ZNF267: variants seen among roughly 807,000 people sequenced by gnomAD.
ZNF267 encodes zinc finger protein 267.
In ZNF267, 61 loss-of-function variants were observed where a neutral mutation model predicts 71.6. The observed-to-expected ratio is 0.85, with a 90% CI of 0.69 to 1.05. ZNF267 has a LOEUF of 1.05. ZNF267 is among the 50% of genes least tolerant of loss of function. The pLI, the probability that ZNF267 is intolerant of heterozygous loss-of-function variation, is 0.00. For missense variants in ZNF267, 852 were observed against 870.0 expected (o/e 0.98, Z 0.26); for synonymous variants, 288 against 293.2 (o/e 0.98, Z 0.18).
chr16:31,884,688 C>T lies in ZNF267; in HGVS notation c.130+64C>T, dbSNP rs2083911827. The stretch of plus-strand genomic sequence containing the variant: ...AGTTTTATTTTCTTTTCAGAATGTC[C>T]CTTGGGATCTTGTGCTTTGTATGAG... On this transcript the variant is annotated intron_variant, in intron 2 of 3. Transcript: ENST00000300870. 4.6e-6 allele frequency: 7 copies of T among 1,526,258 alleles called. No homozygotes were observed. In the South Asian group the frequency reaches 7.5e-5, roughly 16 times the overall value. The allele number at this position is 1,526,258 out of a possible 1,614,324, so 94.5% of individuals were successfully genotyped here. A position where few individuals can be genotyped will look rare whatever the true frequency, so the allele number is the denominator to read the frequency against.
chr16:31,911,602 T>G (rs1435428473), intron 3 of ZNF267, among the ~76,000 whole-genome samples: 1 of 151,566 alleles, frequency 6.6e-6, no homozygotes, highest in Non-Finnish European at 1.5e-5. Flanking sequence ...TGGGTCTTCC[T>G]TTTTCTTTTT....
chr16:31,905,100 G>A (rs1296549915), intron 3 of ZNF267, among the ~76,000 whole-genome samples: 1 of 152,154 alleles, frequency 6.6e-6, no homozygotes, highest in Non-Finnish European at 1.5e-5. Flanking sequence ...CTTTAAGAAT[G>A]TTGAATATTG....
intron 3 of ZNF267, among the ~76,000 whole-genome samples, chr16:31,888,879 G>A (rs1345910364): frequency 6.6e-6 from 1 of 151,938 alleles, no homozygotes; most frequent in Non-Finnish European, 1.5e-5. Context: ...TTTGAAAAGT[G>A]TTGACATTGC....
In ZNF267 at chr16:31,884,665, T is replaced by A; in HGVS notation, c.130+41T>A. ...CTTCGGAATATCTAATAACTAAGAG[T>A]TTTATTTTCTTTTCAGAATGTCCCT... On this transcript the variant is annotated intron_variant, in intron 2 of 3. Transcript: ENST00000300870. The A allele has an allele frequency of 1.9e-6, 3 of 1,571,080 alleles. No individual in the cohort carries two copies. In the South Asian group the frequency reaches 3.5e-5, roughly 19 times the overall value.
chr16:31,876,144 T>A (rs2083851029), intron 1 of ZNF267, among the ~76,000 whole-genome samples: 1 of 152,252 alleles, frequency 6.6e-6, no homozygotes, highest in Non-Finnish European at 1.5e-5. Context: ...TCAGTTTCTT[T>A]TTTTTGTAGG....
At chr16:31,908,630 A>G (rs1184239899) in intron 3 of ZNF267, among the ~76,000 whole-genome samples, 2 of 151,860 alleles carry the variant, frequency 1.3e-5, no homozygotes, top group African/African-American at 4.9e-5. Flanking sequence ...CTTCATATAT[A>G]TGGATATCCA....
At chr16:31,884,892 A>AT (rs1243589890) in intron 2 of ZNF267, among the ~76,000 whole-genome samples, 2 of 151,978 alleles carry the variant, frequency 1.3e-5, no homozygotes, top group Admixed American at 6.6e-5. Context: ...TTAAAATCCA[A>AT]TTTTTTTTGT....
intron 1 of ZNF267, among the ~76,000 whole-genome samples, chr16:31,879,343 C>T (rs933837780): frequency 6.6e-6 from 1 of 152,228 alleles, no homozygotes. Context: ...GACTTTTCAC[C>T]AGTGGGTATT....
rs536399270 is a variant in ZNF267, at chr16:31,915,781, G to A, written c.1532G>A (p.Arg511Gln). The A allele has an allele frequency of 1.7e-5, 28 of 1,612,510 alleles. No homozygotes were observed. The highest frequency in any genetic ancestry group is 3.3e-5 in the Admixed American group (2 of 59,904). The change falls in exon 4 of 4, where the codon CGG becomes CAG. Residue 511 changes from arginine to glutamine, a missense_variant. By Grantham distance (43) the Arg-to-Gln change is conservative (BLOSUM62 1). Transcript: ENST00000300870. ...CGTAGTTCTTGCCTTACTCAACATCGGAAAATTCATACTGGAGAAAATCTT... is the reference window on the plus strand; with the variant it reads ...CGTAGTTCTTGCCTTACTCAACATCAGAAAATTCATACTGGAGAAAATCTT... ...FSRSSCLTQH[R>Q]KIHTGENLYK... is the part of the protein sequence containing the mutation.
chr16:31,875,157 T>A, intron 1 of ZNF267: 1 of 1,289,182 alleles, frequency 7.8e-7, no homozygotes, highest in Non-Finnish European at 1.0e-6. Flanking sequence ...TACAGGGCCC[T>A]GTATAGCCAC....
At chr16:31,913,782 C>T (rs1247523485) in intron 3 of ZNF267, 1 of 152,290 alleles carries the variant, frequency 6.6e-6, no homozygotes, top group African/African-American at 2.4e-5. Context: ...CACTCAACAC[C>T]CAAGCACTCT....
At chr16:31,902,224 G>A (rs1329094978) in intron 3 of ZNF267, among the ~76,000 whole-genome samples, 1 of 152,132 alleles carries the variant, frequency 6.6e-6, no homozygotes, top group African/African-American at 2.4e-5. Flanking sequence ...AAGTCAGGTA[G>A]CATGATGCCT....
intron 1 of ZNF267, 104 bp downstream of exon 1, chr16:31,874,073 G>A: frequency 7.4e-7 from 1 of 1,352,058 alleles, no homozygotes; most frequent in Non-Finnish European, 1.0e-6. Flanking sequence ...GTCAGCCTCG[G>A]GGTCTGGGCC....
At chr16:31,899,169 G>A (rs2084020821) in intron 3 of ZNF267, among the ~76,000 whole-genome samples, 1 of 152,088 alleles carries the variant, frequency 6.6e-6, no homozygotes, top group South Asian at 2.1e-4. Context: ...AGTCAGCTCT[G>A]GACCAAGCAG....
chr16:31,873,893 C>G lies in ZNF267; in HGVS notation c.-74C>G. ...CTTCGCGTTCTGAGAATAAACAGAA[C>G]CTCTGTTGCTCTGCGACTTGCAGGC... On this transcript the variant is annotated 5_prime_UTR_variant, in exon 1 of 4. Coordinates refer to ENST00000300870, the MANE Select transcript of ZNF267 (RefSeq NM_003414.6). 6.2e-7 allele frequency: 1 copy of G among 1,603,816 alleles called. No individual in the cohort carries two copies. The highest frequency in any genetic ancestry group is 8.5e-7 in the Non-Finnish European group (1 of 1,170,712).
chr16:31,916,917 A>T lies in ZNF267; in HGVS notation c.*436A>T, dbSNP rs1283364183. ...ACACTTTCAGCCTTTATACTAAATA[A>T]GAGTATTTTTTGTACAGAATAATCT... On this transcript the variant is annotated 3_prime_UTR_variant, in exon 4 of 4. Coordinates refer to ENST00000300870, the MANE Select transcript of ZNF267 (RefSeq NM_003414.6). 6.2e-6 allele frequency: 1 copy of T among 160,352 alleles called. No homozygotes were observed. Among genetic ancestry groups the T allele is most frequent in the Non-Finnish European group, 1.4e-5 (1 of 72,664 alleles). The allele number at this position is 160,352 out of a possible 1,614,324, so 9.9% of individuals were successfully genotyped here. A position where few individuals can be genotyped will look rare whatever the true frequency, so the allele number is the denominator to read the frequency against.
Position 31,915,229 on chromosome 16 carries a change from G to A in ZNF267, c.980G>A (p.Cys327Tyr), listed in dbSNP as rs1174662541. Residue 327 changes from cysteine to tyrosine, a missense_variant, in exon 4 of 4, where the codon TGT (cysteine) becomes TAT (tyrosine). Physicochemically the swap from Cys to Tyr is radical, Grantham distance 194. Coordinates refer to ENST00000300870, the MANE Select transcript of ZNF267 (RefSeq NM_003414.6). ...NEEKPYKCEK[C>Y]GDSLNHSLHL... ...GAGAAACCATACAAATGTGAAAAAT[G>A]TGGGGATAGCTTAAACCATAGTTTG... is the stretch of plus-strand genomic sequence containing the variant. The A allele has an allele frequency of 6.2e-7, 1 of 1,613,790 alleles. No homozygotes were observed. Among genetic ancestry groups the A allele is most frequent in the East Asian group, 2.2e-5 (1 of 44,846 alleles).
chr16:31,906,543 CAGTG>C (rs1160681207), intron 3 of ZNF267, among the ~76,000 whole-genome samples: 1 of 152,178 alleles, frequency 6.6e-6, no homozygotes, highest in African/African-American at 2.4e-5. Context: ...TGCCAGCAAT[CAGTG>C]AGACTCCGTG....
chr16:31,873,839 GA>G lies in ZNF267; in HGVS notation c.-127del. 1.5e-6 allele frequency: 2 copies of G among 1,330,828 alleles called. No homozygotes were observed. Among genetic ancestry groups the G allele is most frequent in the South Asian group, 2.4e-5 (2 of 83,558 alleles). 82.4% of individuals were successfully genotyped at this position (1,330,828 alleles called of 1,614,324 possible). A position where few individuals can be genotyped will look rare whatever the true frequency, so the allele number is the denominator to read the frequency against. On this transcript the variant is annotated 5_prime_UTR_variant, in exon 1 of 4. Coordinates refer to ENST00000300870, the MANE Select transcript of ZNF267 (RefSeq NM_003414.6). ...GCTCGGGTCTCCTCGCCACAGCTCC[GA>G]GTCTTTCGTTCTGGGAGGCCCAGGC...
Sources: allele counts gnomAD v4.1 joint callset (sites outside exome capture counted in the v4.1 genomes callset), GRCh38; gene constraint gnomAD v4.1.1; transcripts MANE v1.5; gene names NCBI Gene and HGNC (gene_info 2026-07-23, HGNC 2026-07-21).